Variants in SLC24A3 observed in about 807,000 individuals in gnomAD.
SLC24A3 encodes the protein sodium/potassium/calcium exchanger 3.
A neutral mutation model predicts 75.8 loss-of-function variants in SLC24A3; 28 were observed. That is an observed-to-expected ratio of 0.37 (90% CI 0.27 to 0.51). The LOEUF is 0.51. Ranked by LOEUF, SLC24A3 falls within the 20% of genes least tolerant of loss-of-function variation. The pLI is 0.94. For synonymous variants in SLC24A3, 372 were observed against 334.1 expected (o/e 1.11, Z -1.24); for missense variants, 663 against 847.8 (o/e 0.78, Z 2.71).
chr20:19,665,421 TGCATAAAAA>T (rs1194540741), intron 7 of SLC24A3, among the ~76,000 whole-genome samples: 5 of 152,184 alleles, frequency 3.3e-5, no homozygotes, highest in Non-Finnish European at 7.3e-5. Flanking sequence ...TCCAAGCACT[TGCATAAAAA>T]CTGAAGATGC....
chr20:19,501,829 T>G (rs1302190678), intron 2 of SLC24A3, among the ~76,000 whole-genome samples: 10 of 152,124 alleles, frequency 6.6e-5, no homozygotes, highest in African/African-American at 1.7e-4. Context: ...TTAGCTCACC[T>G]CCCAGGCTTT....
chr20:19,601,799 G>A (rs1302524972), intron 6 of SLC24A3, among the ~76,000 whole-genome samples: 2 of 152,170 alleles, frequency 1.3e-5, no homozygotes, highest in Non-Finnish European at 2.9e-5. Context: ...CATAAAAGAG[G>A]GGTGTAAGTT....
chr20:19,244,604 C>G (rs995451073), intron 1 of SLC24A3, among the ~76,000 whole-genome samples: 2 of 152,078 alleles, frequency 1.3e-5, no homozygotes, highest in Admixed American at 1.3e-4. Flanking sequence ...AGCGGCAGGC[C>G]GGCAATGTGA....
chr20:19,321,491 G>C (rs1213261236), intron 2 of SLC24A3, among the ~76,000 whole-genome samples: 1 of 152,182 alleles, frequency 6.6e-6, no homozygotes. Flanking sequence ...GAAACTTAGA[G>C]AAGCTCATGC....
intron 6 of SLC24A3, among the ~76,000 whole-genome samples, chr20:19,647,208 T>C (rs2032150346): frequency 6.6e-6 from 1 of 151,974 alleles, no homozygotes; most frequent in African/African-American, 2.4e-5. Flanking sequence ...TAGGATGGAG[T>C]CCCAGTTGCC....
intron 2 of SLC24A3, among the ~76,000 whole-genome samples, chr20:19,390,559 C>T (rs112673167): frequency 6.6e-6 from 1 of 151,942 alleles, no homozygotes; most frequent in Admixed American, 6.6e-5. Flanking sequence ...GAGGCTGGGT[C>T]CACAGAGGTC....
chr20:19,503,938 A>T (rs1988425293), intron 2 of SLC24A3, among the ~76,000 whole-genome samples: 1 of 152,230 alleles, frequency 6.6e-6, no homozygotes, highest in Non-Finnish European at 1.5e-5. Context: ...AATCACTATT[A>T]CCAGGACCAA....
chr20:19,310,896 CTTT>C (rs1175525524), intron 2 of SLC24A3, among the ~76,000 whole-genome samples: 2 of 152,176 alleles, frequency 1.3e-5, no homozygotes, highest in African/African-American at 4.8e-5. Flanking sequence ...GAAATAAAGC[CTTT>C]TTTGAGCTTA....
Position 19,663,763 on chromosome 20 carries a change from G to A in SLC24A3, c.688-2101G>A, listed in dbSNP as rs575780039. Among the ~76,000 whole-genome samples the A allele has an allele frequency of 6.8e-4, 104 of 152,004 alleles. 2 individuals carry two copies. In the South Asian group the frequency reaches 0.02, roughly 29 times the overall value. On this transcript the variant is annotated intron_variant, in intron 7 of 16. Coordinates refer to ENST00000328041, the MANE Select transcript of SLC24A3 (RefSeq NM_020689.4). ...ATTTTGTCCAATCTCACCCGGATTT[G>A]CCCACTGTTTCTCTGATTATTGTGC... is the stretch of plus-strand genomic sequence containing the variant.
At chr20:19,550,078 T>G (rs1038689981) in intron 3 of SLC24A3, among the ~76,000 whole-genome samples, 3 of 152,246 alleles carry the variant, frequency 2.0e-5, no homozygotes, top group African/African-American at 7.2e-5. Flanking sequence ...GTCCTTCCTG[T>G]CAGGGAAAAG....
At chr20:19,621,077 ACT>A (rs924721284) in intron 6 of SLC24A3, among the ~76,000 whole-genome samples, 66 of 152,276 alleles carry the variant, frequency 4.3e-4, no homozygotes, top group African/African-American at 1.5e-3. Context: ...CATTTTCTAG[ACT>A]CTGCGCCCAC....
chr20:19,696,654 C>G (rs1009021958), intron 13 of SLC24A3, 143 bp from the exon 14 acceptor site: 12 of 602,220 alleles, frequency 2.0e-5, no homozygotes, highest in Middle Eastern at 2.8e-4. Flanking sequence ...GTTTGTCACC[C>G]TCTGTATTGA....
chr20:19,491,669 G>A (rs773566039), intron 2 of SLC24A3, among the ~76,000 whole-genome samples: 1 of 152,140 alleles, frequency 6.6e-6, no homozygotes, highest in Non-Finnish European at 1.5e-5. Context: ...AATGAGGATG[G>A]GCTCCCCAGA....
At chr20:19,285,646 G>T (rs1175340378) in intron 2 of SLC24A3, among the ~76,000 whole-genome samples, 2 of 149,372 alleles carry the variant, frequency 1.3e-5, no homozygotes, top group Non-Finnish European at 3.0e-5. Flanking sequence ...AGCTCTCTGT[G>T]AATTTTTAAG....
At chr20:19,310,926 C>T (rs1417958879) in intron 2 of SLC24A3, among the ~76,000 whole-genome samples, 1 of 152,112 alleles carries the variant, frequency 6.6e-6, no homozygotes, top group Non-Finnish European at 1.5e-5. Flanking sequence ...TGTTTATTTG[C>T]TTTGCTGGAG....
rs182525682 is a variant in SLC24A3, at chr20:19,329,545, T to C, written c.271+48458T>C. Among the ~76,000 whole-genome samples the C allele has an allele frequency of 3.3e-5, 5 of 152,368 alleles. No homozygotes were observed. In the East Asian group the frequency reaches 9.6e-4, roughly 29 times the overall value. On this transcript the variant is annotated intron_variant, in intron 2 of 16. Transcript: ENST00000328041. ...ATGCTCAAGAAAGAAGTTTGTCACA[T>C]TACTTTGGTCATTATAATGTTTGAT...
chr20:19,440,900 G>A lies in SLC24A3; in HGVS notation c.272-74588G>A, dbSNP rs779110445. On this transcript the variant is annotated intron_variant, in intron 2 of 16. Transcript: ENST00000328041. ...CAGCCTCAGGGTGCATTTGGATACC[G>A]ACGGACTGTTTTTTCATCACATATG... Among the ~76,000 whole-genome samples, 6 of 152,224 alleles carry A rather than the reference G, an allele frequency of 3.9e-5. No homozygotes were observed. In the South Asian group the frequency reaches 6.2e-4, roughly 16 times the overall value.
intron 2 of SLC24A3, among the ~76,000 whole-genome samples, chr20:19,328,643 G>A (rs76927062): frequency 6.6e-6 from 1 of 152,128 alleles, no homozygotes; most frequent in African/African-American, 2.4e-5. Flanking sequence ...GTGAGGGGCG[G>A]GTGGAGTGAG....
chr20:19,431,052 G>C (rs1416380428), intron 2 of SLC24A3, among the ~76,000 whole-genome samples: 2 of 152,088 alleles, frequency 1.3e-5, no homozygotes, highest in Non-Finnish European at 2.9e-5. Context: ...CTAGGCTTTG[G>C]GGTCAGGGCA....
Sources: gnomAD v4.1 joint callset for allele counts (sites outside exome capture counted in the v4.1 genomes callset) on GRCh38, gnomAD v4.1.1 for gene constraint, MANE v1.5 for transcripts, NCBI Gene and HGNC (gene_info 2026-07-23, HGNC 2026-07-21) for gene names.